Variants in SH3D19 observed in about 807,000 individuals in gnomAD.
The protein encoded by SH3D19 is SH3 domain containing 19.
In SH3D19, 58 loss-of-function variants were observed where a neutral mutation model predicts 112.1. The ratio of observed to expected loss-of-function variants is 0.52; its 90% CI spans 0.42 to 0.64. SH3D19 has a LOEUF of 0.64. Among genes scored for constraint, SH3D19 ranks in the 30% least tolerant of loss-of-function variants. The pLI is 0.00. For missense variants in SH3D19, 1,090 were observed against 1,263.4 expected, an observed-to-expected ratio of 0.86 and a Z score of 2.08; for synonymous variants, 391 against 448.5, an observed-to-expected ratio of 0.87 and a Z score of 1.62.
chr4:151,299,660 C>T (rs1401751465), intron 1 of SH3D19, among the ~76,000 whole-genome samples: 2 of 151,034 alleles, frequency 1.3e-5, no homozygotes, highest in Admixed American at 1.3e-4. Context: ...ATCTCCTATT[C>T]CCTTATGAGT....
rs760880675 is a variant in SH3D19 at position 151,149,516 on chromosome 4, G to A, written c.1801C>T (p.Pro601Ser). 1 of 1,610,562 alleles carries A rather than the reference G, an allele frequency of 6.2e-7. No individual in the cohort carries two copies. The highest frequency in any genetic ancestry group is 2.2e-5 in the East Asian group (1 of 44,734). ...TTTACTTACCTCGGTGGCAACCTTG[G>A]GGGTACTCGCACAAAACCTCCTGTT... is the stretch of plus-strand genomic sequence containing the variant. ...GQTGGFVRVP[P>S]RLPPRPVNGK... Residue 601 changes from proline to serine, a missense_variant, in exon 10 of 20, where the codon CCA becomes TCA. Coordinates refer to ENST00000604030, the MANE Select transcript of SH3D19 (RefSeq NM_001378122.1).
At chr4:151,195,933 A>G (rs1333833656) in intron 2 of SH3D19, among the ~76,000 whole-genome samples, 5 of 151,774 alleles carry the variant, frequency 3.3e-5, no homozygotes, top group East Asian at 1.9e-4. Flanking sequence ...TAAAAAAAAA[A>G]AAAAAAGAAA....
chr4:151,263,725 G>T (rs1302701614), intron 1 of SH3D19, among the ~76,000 whole-genome samples: 1 of 152,208 alleles, frequency 6.6e-6, no homozygotes, highest in East Asian at 1.9e-4. Flanking sequence ...TTGGCAGCTG[G>T]CTTCTCCCAG....
intron 2 of SH3D19, 95 bp from the exon 3 acceptor site, chr4:151,187,558 C>T (rs1761989548): frequency 1.6e-6 from 1 of 643,450 alleles, no homozygotes; most frequent in South Asian, 8.0e-5. Context: ...CAATATGGTG[C>T]TAAGCCACAA....
intron 1 of SH3D19, among the ~76,000 whole-genome samples, chr4:151,314,570 C>A (rs1293799547): frequency 2.0e-5 from 3 of 152,142 alleles, no homozygotes; most frequent in African/African-American, 7.2e-5. Context: ...TATCTTATAA[C>A]AAAATGTATT....
At chr4:151,234,381 C>T (rs1002645350) in intron 1 of SH3D19, among the ~76,000 whole-genome samples, 3 of 152,110 alleles carry the variant, frequency 2.0e-5, no homozygotes, top group African/African-American at 7.2e-5. Context: ...TGTATTGCCC[C>T]TTTTCACTGC....
At chr4:151,210,844 G>A (rs1580176953) in intron 2 of SH3D19, among the ~76,000 whole-genome samples, 2 of 151,924 alleles carry the variant, frequency 1.3e-5, no homozygotes, top group East Asian at 1.9e-4. Flanking sequence ...TAATAGGCAC[G>A]TATTATTTTA....
chr4:151,160,401 T>A (rs1263079058), intron 8 of SH3D19, among the ~76,000 whole-genome samples: 1 of 152,246 alleles, frequency 6.6e-6, no homozygotes, highest in African/African-American at 2.4e-5. Context: ...TGTTTTCTAA[T>A]TCAGTAGCTT....
At chr4:151,127,941 G>A (rs563231007) in intron 18 of SH3D19, among the ~76,000 whole-genome samples, 5 of 152,190 alleles carry the variant, frequency 3.3e-5, no homozygotes, top group African/African-American at 9.6e-5. Context: ...GAAAAATTAC[G>A]TAAACTATAT....
chr4:151,256,734 G>A (rs1771955728), intron 1 of SH3D19, among the ~76,000 whole-genome samples: 1 of 136,616 alleles, frequency 7.3e-6, no homozygotes, highest in Admixed American at 7.8e-5. Flanking sequence ...AAAGCTTCAA[G>A]TTAATTATTA....
chr4:151,236,136 G>C (rs899416187), intron 1 of SH3D19, among the ~76,000 whole-genome samples: 2 of 152,258 alleles, frequency 1.3e-5, no homozygotes, highest in African/African-American at 2.4e-5. Flanking sequence ...CTCGGCGTCC[G>C]CTCTGGCCGC....
chr4:151,279,702 A>G (rs1773998183), intron 1 of SH3D19: 4 of 1,255,224 alleles, frequency 3.2e-6, no homozygotes, highest in Non-Finnish European at 4.6e-6. Context: ...TTCAGGTCCT[A>G]GGAATAGATG....
intron 3 of SH3D19, among the ~76,000 whole-genome samples, chr4:151,184,417 G>A (rs112208307): frequency 5.9e-5 from 9 of 152,282 alleles, no homozygotes; most frequent in African/African-American, 2.2e-4. Context: ...GTATTTATAT[G>A]TTATCATGAA....
intron 1 of SH3D19, among the ~76,000 whole-genome samples, chr4:151,292,514 T>C (rs1775411296): frequency 6.6e-6 from 1 of 152,164 alleles, no homozygotes; most frequent in Non-Finnish European, 1.5e-5. Flanking sequence ...CTTTAAATAT[T>C]TGGAACAAAG....
At chr4:151,135,003 T>C in intron 15 of SH3D19, 71 bp downstream of exon 15, 1 of 1,327,030 alleles carries the variant, frequency 7.5e-7, no homozygotes, top group Non-Finnish European at 1.1e-6. Flanking sequence ...TGTTTTAAGC[T>C]TGATAATTCT....
At chr4:151,212,776 C>A (rs1444617948) in intron 2 of SH3D19, among the ~76,000 whole-genome samples, 1 of 152,176 alleles carries the variant, frequency 6.6e-6, no homozygotes, top group African/African-American at 2.4e-5. Context: ...TTAAGAAATA[C>A]ATTTTGTAAG....
chr4:151,309,614 C>T (rs144118952), intron 1 of SH3D19, among the ~76,000 whole-genome samples: 1 of 152,300 alleles, frequency 6.6e-6, no homozygotes, highest in East Asian at 1.9e-4. Flanking sequence ...CGAAAAGGTA[C>T]TCATTACTAA....
chr4:151,187,458 C>G lies in SH3D19; in HGVS notation c.158G>C (p.Gly53Ala). Residue 53 changes from glycine (G) to alanine (A), a missense_variant, in exon 3 of 20, where the codon GGA (glycine) becomes GCA (alanine). Physicochemically the swap from Gly to Ala is moderately conservative, Grantham distance 60. Coordinates refer to ENST00000604030, the MANE Select transcript of SH3D19 (RefSeq NM_001378122.1). ...NKPEHRSSSQ[G>A]PLSSIRAVIK... ...TACCGCTCTAATGGATGACAAGGGT[C>G]CTTGGCTAGAAAAAGAAAGAAAACT... is the stretch of plus-strand genomic sequence containing the variant. The G allele has an allele frequency of 8.1e-7, 1 of 1,229,854 alleles. No homozygotes were observed. Among genetic ancestry groups the G allele is most frequent in the Non-Finnish European group, 1.0e-6 (1 of 985,980 alleles). 76.2% of individuals were successfully genotyped at this position (1,229,854 alleles called of 1,614,324 possible).
intron 1 of SH3D19, among the ~76,000 whole-genome samples, chr4:151,276,762 C>CA (rs1243366254): frequency 1.3e-5 from 2 of 152,224 alleles, no homozygotes; most frequent in East Asian, 1.9e-4. Context: ...AACAAACAAA[C>CA]AAAAAAACTC....
Sources: gnomAD v4.1 joint callset for allele counts (sites outside exome capture counted in the v4.1 genomes callset) on GRCh38, gnomAD v4.1.1 for gene constraint, MANE v1.5 for transcripts, NCBI Gene and HGNC (gene_info 2026-07-23, HGNC 2026-07-21) for gene names.